Variants in SH3RF3 observed in about 807,000 individuals in gnomAD.
SH3RF3 encodes SH3 domain containing ring finger 3.
SH3RF3 carries 29 observed loss-of-function variants against 66.3 expected under a neutral mutation model. The observed-to-expected ratio is 0.44, with a 90% CI of 0.33 to 0.60. SH3RF3 has a LOEUF of 0.60. SH3RF3 is among the 20% of genes least tolerant of loss of function. The pLI is 0.04. For synonymous variants in SH3RF3, 583 were observed against 532.0 expected (o/e 1.10, Z -1.32); for missense variants, 1,194 against 1,190.9 (o/e 1.00, Z -0.04).
chr2:109,142,712 T>C (rs7567615), intron 1 of SH3RF3, among the ~76,000 whole-genome samples: 114,843 of 152,024 alleles, frequency 0.76, 45,453 homozygotes, highest in Non-Finnish European at 0.89. Context: ...CTGTCGGGCC[T>C]GGGTTTATTT....
At chr2:109,421,083 C>T (rs1676864069) in intron 5 of SH3RF3, among the ~76,000 whole-genome samples, 1 of 152,230 alleles carries the variant, frequency 6.6e-6, no homozygotes, top group Non-Finnish European at 1.5e-5. Context: ...CTGGCAGCTT[C>T]AGGCAAAGCT....
At chr2:109,459,865 T>A (rs1440881929) in intron 8 of SH3RF3, among the ~76,000 whole-genome samples, 4 of 152,174 alleles carry the variant, frequency 2.6e-5, no homozygotes, top group South Asian at 4.1e-4. Context: ...GTGGTGCTTC[T>A]CCCATTTCTG....
At chr2:109,314,983 C>T (rs1206301000) in intron 1 of SH3RF3, among the ~76,000 whole-genome samples, 1 of 152,212 alleles carries the variant, frequency 6.6e-6, no homozygotes, top group East Asian at 1.9e-4. Flanking sequence ...CCCCAGCAGG[C>T]ATTCCAGAGC....
At chr2:109,235,127 A>AC (rs1679613950) in intron 1 of SH3RF3, among the ~76,000 whole-genome samples, 1 of 152,130 alleles carries the variant, frequency 6.6e-6, no homozygotes, top group Non-Finnish European at 1.5e-5. Flanking sequence ...TAGAGTTGGG[A>AC]GGGGGGCCCT....
chr2:109,161,737 C>G (rs899853046), intron 1 of SH3RF3, among the ~76,000 whole-genome samples: 1 of 151,924 alleles, frequency 6.6e-6, no homozygotes, highest in Non-Finnish European at 1.5e-5. Flanking sequence ...CTTTTTGTAA[C>G]AACCAGCTCT....
rs1419908800 is a variant in SH3RF3 at position 109,206,995 on chromosome 2, A to G, written c.573+76882A>G. ...ACTTCAACACACCTCTGTTTGGCTG[A>G]GCGCTGCATTTGCAGGAGGTGAGAA... On this transcript the variant is annotated intron_variant, in intron 1 of 9. Transcript: ENST00000309415. 2.0e-5 allele frequency among the ~76,000 whole-genome samples: 3 copies of G among 152,282 alleles called. No homozygotes were observed. The South Asian group carries it at 6.2e-4, about 32-fold the overall frequency.
intron 1 of SH3RF3, among the ~76,000 whole-genome samples, chr2:109,141,302 C>T (rs1676942824): frequency 6.6e-6 from 1 of 152,200 alleles, no homozygotes; most frequent in African/African-American, 2.4e-5. Context: ...TCGGCTTTTG[C>T]AGTTGCCACT....
At chr2:109,164,667 T>C (rs916540322) in intron 1 of SH3RF3, among the ~76,000 whole-genome samples, 1 of 152,202 alleles carries the variant, frequency 6.6e-6, no homozygotes, top group Non-Finnish European at 1.5e-5. Flanking sequence ...CACTTACTTG[T>C]ATCAACTGCC....
Position 109,434,871 on chromosome 2 carries a change from C to T in SH3RF3, c.1575-2022C>T, listed in dbSNP as rs933279398. The stretch of plus-strand genomic sequence containing the variant: ...TGCAGATCGAATCAATAAAAGAAAT[C>T]TAGTTGTTCTGATCAAAATGTCTCC... On this transcript the variant is annotated intron_variant, in intron 6 of 9. Transcript: ENST00000309415. 2.6e-5 allele frequency among the ~76,000 whole-genome samples: 4 copies of T among 152,218 alleles called. No homozygotes were observed. In the East Asian group the frequency reaches 7.7e-4, roughly 29 times the overall value.
intron 8 of SH3RF3, among the ~76,000 whole-genome samples, chr2:109,472,805 G>T (rs573477047): frequency 1.7e-4 from 26 of 152,244 alleles, no homozygotes; most frequent in Non-Finnish European, 3.5e-4. Flanking sequence ...CCAGACGCCC[G>T]TTGGAAATCC....
intron 1 of SH3RF3, among the ~76,000 whole-genome samples, chr2:109,298,510 G>A (rs1681381532): frequency 6.6e-6 from 1 of 152,078 alleles, no homozygotes; most frequent in Non-Finnish European, 1.5e-5. Flanking sequence ...AGGTCACTTT[G>A]CTCCAGGTGG....
chr2:109,169,778 C>A (rs755901424), intron 1 of SH3RF3, among the ~76,000 whole-genome samples: 12 of 151,712 alleles, frequency 7.9e-5, no homozygotes, highest in Middle Eastern at 3.2e-3. Flanking sequence ...ACACATGACC[C>A]CCCAAAATCA....
At chr2:109,202,694 C>T (rs1036880516) in intron 1 of SH3RF3, among the ~76,000 whole-genome samples, 5 of 152,216 alleles carry the variant, frequency 3.3e-5, no homozygotes, top group African/African-American at 1.2e-4. Context: ...CCTTCTCTCC[C>T]TGAGCCTCAG....
chr2:109,268,682 C>T (rs1365977859), intron 1 of SH3RF3, among the ~76,000 whole-genome samples: 1 of 152,028 alleles, frequency 6.6e-6, no homozygotes, highest in Non-Finnish European at 1.5e-5. Context: ...CACAATCACT[C>T]TATTTTTCAC....
chr2:109,367,803 A>G (rs1683179169), intron 2 of SH3RF3, among the ~76,000 whole-genome samples: 2 of 152,196 alleles, frequency 1.3e-5, no homozygotes, highest in Non-Finnish European at 2.9e-5. Flanking sequence ...TTTTTCTTAG[A>G]ATAGAGTTCC....
chr2:109,169,699 T>C (rs1467610118), intron 1 of SH3RF3, among the ~76,000 whole-genome samples: 1 of 151,918 alleles, frequency 6.6e-6, no homozygotes, highest in East Asian at 1.9e-4. Context: ...GCTATATCTC[T>C]CTCTCTATAT....
chr2:109,161,242 G>T (rs1220896152), intron 1 of SH3RF3, among the ~76,000 whole-genome samples: 1 of 152,162 alleles, frequency 6.6e-6, no homozygotes, highest in African/African-American at 2.4e-5. Flanking sequence ...TATAAGTCAG[G>T]CACGAGTATG....
intron 8 of SH3RF3, among the ~76,000 whole-genome samples, chr2:109,483,294 C>T (rs144936503): frequency 0.01 from 1,528 of 152,324 alleles, 24 homozygotes; most frequent in Non-Finnish European, 0.015. Context: ...GATAAGTCCC[C>T]GTTTCTTTCT....
At chr2:109,328,759 G>A (rs1682217778) in intron 1 of SH3RF3, among the ~76,000 whole-genome samples, 1 of 152,156 alleles carries the variant, frequency 6.6e-6, no homozygotes, top group Non-Finnish European at 1.5e-5. Flanking sequence ...CCACATTTGT[G>A]TGTGTGAACC....
Sources: gnomAD v4.1 joint callset for allele counts (sites outside exome capture counted in the v4.1 genomes callset) on GRCh38, gnomAD v4.1.1 for gene constraint, MANE v1.5 for transcripts, NCBI Gene and HGNC (gene_info 2026-07-23, HGNC 2026-07-21) for gene names.